Variants in EPHA6 observed in about 807,000 individuals in gnomAD.
The protein encoded by EPHA6 is EPH receptor A6, also known as ephrin type-A receptor 6.
EPHA6 carries 50 observed loss-of-function variants against 112.0 expected under a neutral mutation model. That is an observed-to-expected ratio of 0.45 (90% CI 0.36 to 0.56). The LOEUF is 0.56. EPHA6 is among the 20% of genes least tolerant of loss of function. EPHA6 has a pLI of 0.00. For synonymous variants in EPHA6, 529 were observed against 490.7 expected (o/e 1.08, Z -1.03); for missense variants, 1,280 against 1,417.4 (o/e 0.90, Z 1.56).
At chr3:97,557,575 T>C (rs1298757541) in intron 11 of EPHA6, among the ~76,000 whole-genome samples, 1 of 151,974 alleles carries the variant, frequency 6.6e-6, no homozygotes, top group Non-Finnish European at 1.5e-5. Flanking sequence ...TAATATTAAT[T>C]CTGACCAGCT....
intron 15 of EPHA6, among the ~76,000 whole-genome samples, chr3:97,722,894 G>T (rs1393606469): frequency 6.6e-6 from 1 of 151,870 alleles, no homozygotes; most frequent in Non-Finnish European, 1.5e-5. Context: ...CCAGATTATG[G>T]CACCACCCAT....
intron 3 of EPHA6, among the ~76,000 whole-genome samples, chr3:97,149,226 C>T (rs2076112482): frequency 6.6e-6 from 1 of 152,054 alleles, no homozygotes; most frequent in Non-Finnish European, 1.5e-5. Context: ...ATGCAGATAC[C>T]TAGAGGACTT....
intron 5 of EPHA6, among the ~76,000 whole-genome samples, chr3:97,336,360 T>C (rs1438885089): frequency 2.6e-5 from 4 of 152,184 alleles, no homozygotes; most frequent in Non-Finnish European, 4.4e-5. Context: ...GTAATAATTT[T>C]ATCAGTTATG....
At chr3:97,313,628 G>T (rs1414045504) in intron 5 of EPHA6, among the ~76,000 whole-genome samples, 1 of 151,452 alleles carries the variant, frequency 6.6e-6, no homozygotes, top group African/African-American at 2.4e-5. Context: ...CATTAATTTG[G>T]CAATTAGAGG....
At chr3:97,545,513 G>T (rs1000820619) in intron 11 of EPHA6, among the ~76,000 whole-genome samples, 3 of 152,122 alleles carry the variant, frequency 2.0e-5, no homozygotes, top group African/African-American at 7.2e-5. Context: ...AATAGGTGTC[G>T]TGTGGTGCTG....
chr3:96,937,901 A>G (rs1261106547), intron 2 of EPHA6, among the ~76,000 whole-genome samples: 2 of 152,182 alleles, frequency 1.3e-5, no homozygotes. Context: ...CAGGTTTGTC[A>G]AAGATCAGAT....
Position 97,596,910 on chromosome 3 carries a change from G to A in EPHA6, c.2512+4173G>A, listed in dbSNP as rs867630669. ...TATATATATATATATATATATGTAT[G>A]TATATATGCCAGATTGGATTATAGA... On this transcript the variant is annotated intron_variant, in intron 12 of 17. Coordinates refer to ENST00000389672, the MANE Select transcript of EPHA6 (RefSeq NM_001080448.3). Among the ~76,000 whole-genome samples the A allele has an allele frequency of 4.7e-3, 454 of 97,128 alleles. 3 individuals carry two copies. The highest frequency in any genetic ancestry group is 0.021 in the African/African-American group (344 of 16,342). 63.7% of individuals were successfully genotyped at this position (97,128 alleles called of 152,430 possible).
At chr3:96,852,786 T>C (rs2035474003) in intron 1 of EPHA6, among the ~76,000 whole-genome samples, 1 of 152,120 alleles carries the variant, frequency 6.6e-6, no homozygotes, top group African/African-American at 2.4e-5. Context: ...TTGGTGTTTC[T>C]CACATAAATA....
chr3:97,341,704 T>C (rs561721955), intron 5 of EPHA6, among the ~76,000 whole-genome samples: 7 of 152,170 alleles, frequency 4.6e-5, no homozygotes, highest in Non-Finnish European at 7.3e-5. Context: ...AAATTCATTC[T>C]TTATAATTCA....
At chr3:96,870,979 G>T (rs1355668594) in intron 2 of EPHA6, among the ~76,000 whole-genome samples, 1 of 151,958 alleles carries the variant, frequency 6.6e-6, no homozygotes, top group Non-Finnish European at 1.5e-5. Flanking sequence ...ACTATACCAT[G>T]TGCATATTCA....
At chr3:97,569,259 C>G (rs2093306149) in intron 11 of EPHA6, among the ~76,000 whole-genome samples, 1 of 151,686 alleles carries the variant, frequency 6.6e-6, no homozygotes, top group African/African-American at 2.4e-5. Flanking sequence ...TGATGTATCT[C>G]AACATATAGC....
intron 7 of EPHA6, among the ~76,000 whole-genome samples, chr3:97,451,898 A>G (rs887468922): frequency 6.6e-6 from 1 of 151,914 alleles, no homozygotes; most frequent in Non-Finnish European, 1.5e-5. Context: ...TAATACATTC[A>G]TAGAGATGAG....
intron 5 of EPHA6, among the ~76,000 whole-genome samples, chr3:97,251,326 C>G (rs572271771): frequency 5.3e-5 from 8 of 152,008 alleles, no homozygotes; most frequent in Admixed American, 3.3e-4. Context: ...GTCAGGAGAT[C>G]GAGACCGTCC....
chr3:97,155,906 A>G (rs1254660826), intron 3 of EPHA6, among the ~76,000 whole-genome samples: 1 of 152,242 alleles, frequency 6.6e-6, no homozygotes, highest in Admixed American at 6.5e-5. Flanking sequence ...CTTCTACTCC[A>G]TCTCTCTTCT....
chr3:97,018,277 C>T (rs754250461), intron 3 of EPHA6, among the ~76,000 whole-genome samples: 18 of 151,804 alleles, frequency 1.2e-4, no homozygotes, highest in Non-Finnish European at 2.2e-4. Flanking sequence ...CCCACAGGGT[C>T]GGTGGGTCTC....
intron 3 of EPHA6, among the ~76,000 whole-genome samples, chr3:97,026,118 C>CT (rs2044628072): frequency 7.5e-6 from 1 of 133,842 alleles, no homozygotes; most frequent in Admixed American, 7.4e-5. Context: ...GTCTATGTGT[C>CT]TGATTTTTTT....
intron 3 of EPHA6, among the ~76,000 whole-genome samples, chr3:97,216,396 C>T (rs2078035490): frequency 6.6e-6 from 1 of 152,100 alleles, no homozygotes; most frequent in Admixed American, 6.5e-5. Flanking sequence ...CCACCAGGCC[C>T]CACCTCCAAC....
chr3:97,659,567 GA>G (rs2094157112), intron 14 of EPHA6, among the ~76,000 whole-genome samples: 1 of 151,848 alleles, frequency 6.6e-6, no homozygotes, highest in Admixed American at 6.6e-5. Context: ...ACACATGGGG[GA>G]AAAAACAGAG....
At chr3:97,314,289 G>C (rs558908393) in intron 5 of EPHA6, among the ~76,000 whole-genome samples, 3 of 151,542 alleles carry the variant, frequency 2.0e-5, no homozygotes, top group South Asian at 2.1e-4. Flanking sequence ...TTTATAATCA[G>C]GGAGTGCAGT....
Sources: gnomAD v4.1 joint callset for allele counts (sites outside exome capture counted in the v4.1 genomes callset) on GRCh38, gnomAD v4.1.1 for gene constraint, MANE v1.5 for transcripts, NCBI Gene and HGNC (gene_info 2026-07-23, HGNC 2026-07-21) for gene names.